The following PID1 variants were observed in gnomAD, a reference collection of about 807,000 sequenced individuals.
PID1 encodes the protein PTB-containing, cubilin and LRP1-interacting protein.
Under a neutral mutation model 19.1 loss-of-function variants are expected in PID1, and 10 were observed. The observed-to-expected ratio is 0.52, with a 90% CI of 0.32 to 0.89. The LOEUF is 0.89. PID1 is among the 40% of genes least tolerant of loss of function. PID1 has a pLI of 0.03. For synonymous variants in PID1, 130 were observed against 116.0 expected (o/e 1.12, Z -0.78); for missense variants, 248 against 285.3 (o/e 0.87, Z 0.94).
chr2:229,227,184 A>T (rs1692096526), intron 1 of PID1, among the ~76,000 whole-genome samples: 1 of 152,238 alleles, frequency 6.6e-6, no homozygotes, highest in African/African-American at 2.4e-5. Context: ...AACTCAGATG[A>T]TCAAACTTAT....
chr2:229,224,312 C>A (rs1481343995), intron 1 of PID1, among the ~76,000 whole-genome samples: 1 of 152,190 alleles, frequency 6.6e-6, no homozygotes, highest in African/African-American at 2.4e-5. Flanking sequence ...CCATTCAACC[C>A]AGCAATTCCA....
chr2:229,172,819 C>T (rs1047900215), intron 1 of PID1, among the ~76,000 whole-genome samples: 3 of 152,158 alleles, frequency 2.0e-5, no homozygotes, highest in African/African-American at 4.8e-5. Context: ...GTAACCTCCA[C>T]CTCCTGGGTT....
At chr2:229,057,034 TTTTTA>T (rs1400647590) in intron 2 of PID1, among the ~76,000 whole-genome samples, 2 of 3,222 alleles carry the variant, frequency 6.2e-4, no homozygotes, top group African/African-American at 9.2e-4. Context: ...GAGAAAGAAA[TTTTTA>T]TTTTATTATT....
At chr2:229,038,393 A>C (rs964455387) in intron 2 of PID1, among the ~76,000 whole-genome samples, 2 of 152,170 alleles carry the variant, frequency 1.3e-5, no homozygotes, top group Non-Finnish European at 2.9e-5. Context: ...AACTTGGATG[A>C]ATCTCTGGGG....
At chr2:229,168,811 G>T (rs1367120514) in intron 1 of PID1, among the ~76,000 whole-genome samples, 1 of 152,048 alleles carries the variant, frequency 6.6e-6, no homozygotes, top group African/African-American at 2.4e-5. Flanking sequence ...TTTTTACATT[G>T]CATTCTTCTG....
At chr2:229,114,571 G>C (rs1695372228) in intron 2 of PID1, among the ~76,000 whole-genome samples, 1 of 152,048 alleles carries the variant, frequency 6.6e-6, no homozygotes, top group Non-Finnish European at 1.5e-5. Flanking sequence ...TATTCCACTA[G>C]ATGCAACTTC....
At chr2:229,145,701 G>C (rs1171268518) in intron 2 of PID1, among the ~76,000 whole-genome samples, 1 of 152,084 alleles carries the variant, frequency 6.6e-6, no homozygotes, top group South Asian at 2.1e-4. Flanking sequence ...TCTATTCACT[G>C]TCCCTGTGAC....
intron 1 of PID1, among the ~76,000 whole-genome samples, chr2:229,264,959 T>C (rs1368606861): frequency 6.6e-6 from 1 of 152,108 alleles, no homozygotes; most frequent in Non-Finnish European, 1.5e-5. Flanking sequence ...ATAACAACAT[T>C]AAGAAGTGCT....
chr2:229,145,071 T>G (rs1690097033), intron 2 of PID1, among the ~76,000 whole-genome samples: 1 of 150,522 alleles, frequency 6.6e-6, no homozygotes, highest in African/African-American at 2.4e-5. Flanking sequence ...GTTCCCTCAG[T>G]ACAGATTCCC....
At chr2:229,186,030 C>G (rs1691121307) in intron 1 of PID1, among the ~76,000 whole-genome samples, 2 of 152,218 alleles carry the variant, frequency 1.3e-5, no homozygotes, top group South Asian at 4.1e-4. Flanking sequence ...TTGATACATA[C>G]AGCCATTCCA....
At chr2:229,169,080 G>A (rs1690659165) in intron 1 of PID1, among the ~76,000 whole-genome samples, 1 of 152,168 alleles carries the variant, frequency 6.6e-6, no homozygotes, top group East Asian at 1.9e-4. Context: ...GCAATTGCTT[G>A]ATACTAGCCT....
At chr2:229,100,515 A>T (rs985610140) in intron 2 of PID1, among the ~76,000 whole-genome samples, 2 of 152,166 alleles carry the variant, frequency 1.3e-5, no homozygotes, top group Admixed American at 6.5e-5. Context: ...TACATTAAAA[A>T]ATATATATAT....
chr2:229,169,835 G>GA (rs1368277960), intron 1 of PID1, among the ~76,000 whole-genome samples: 1 of 152,166 alleles, frequency 6.6e-6, no homozygotes, highest in East Asian at 1.9e-4. Context: ...ATTCAGAATA[G>GA]AAGCAATGTT....
intron 2 of PID1, among the ~76,000 whole-genome samples, chr2:229,041,200 G>A (rs1442957724): frequency 6.6e-6 from 1 of 152,168 alleles, no homozygotes; most frequent in African/African-American, 2.4e-5. Context: ...AGACAGAGCT[G>A]TTTCAGGGCT....
chr2:229,086,666 T>A (rs533793100), intron 2 of PID1, among the ~76,000 whole-genome samples: 7 of 152,194 alleles, frequency 4.6e-5, no homozygotes, highest in African/African-American at 1.7e-4. Flanking sequence ...GAAGGCTTGA[T>A]GGCAGTGAGA....
intron 1 of PID1, among the ~76,000 whole-genome samples, chr2:229,264,854 T>A (rs1690551148): frequency 6.6e-6 from 1 of 152,184 alleles, no homozygotes; most frequent in Admixed American, 6.5e-5. Context: ...CCCAGCATAG[T>A]ACTTGGGACG....
At chr2:229,221,300 C>T (rs1439515063) in intron 1 of PID1, among the ~76,000 whole-genome samples, 1 of 152,188 alleles carries the variant, frequency 6.6e-6, no homozygotes, top group Non-Finnish European at 1.5e-5. Context: ...CATGTATCTA[C>T]TGCATCACTT....
At chr2:229,205,761 G>T (rs1399342479) in intron 1 of PID1, among the ~76,000 whole-genome samples, 1 of 152,070 alleles carries the variant, frequency 6.6e-6, no homozygotes, top group African/African-American at 2.4e-5. Context: ...TTTATTTCCT[G>T]CAAGAATCCT....
At chr2:229,253,985 C>T (rs1322360525) in intron 1 of PID1, among the ~76,000 whole-genome samples, 1 of 152,172 alleles carries the variant, frequency 6.6e-6, no homozygotes, top group Non-Finnish European at 1.5e-5. Context: ...AGGGTCTGGG[C>T]AGCAGGACGA....
Sources: allele counts gnomAD v4.1 joint callset (sites outside exome capture counted in the v4.1 genomes callset), GRCh38; gene constraint gnomAD v4.1.1; transcripts MANE v1.5; gene names NCBI Gene and HGNC (gene_info 2026-07-23, HGNC 2026-07-21).